PUM2: variants seen among roughly 807,000 people sequenced by gnomAD.
PUM2 encodes the protein pumilio homolog 2.
A neutral mutation model predicts 124.5 loss-of-function variants in PUM2; 57 were observed. The observed-to-expected ratio is 0.46, with a 90% CI of 0.37 to 0.57. PUM2 has a LOEUF of 0.57. Ranked by LOEUF, PUM2 falls within the 20% of genes least tolerant of loss-of-function variation. The pLI is 0.00. For synonymous variants in PUM2, 460 were observed against 446.1 expected, an observed-to-expected ratio of 1.03 and a Z score of -0.39; for missense variants, 1,065 against 1,290.6, an observed-to-expected ratio of 0.83 and a Z score of 2.68.
At chr2:20,257,043 C>CAAAAAAAAAAAAAAAAAAAAAAAAAA (rs58072146) in intron 16 of PUM2, among the ~76,000 whole-genome samples, 2 of 71,810 alleles carry the variant, frequency 2.8e-5, no homozygotes, top group Admixed American at 1.9e-4. Context: ...GATTCCGTCT[C>CAAAAAAAAAAAAAAAAAAAAAAAAAA]AAAAAAAAAA....
intron 3 of PUM2, 151 bp from the exon 4 acceptor site, chr2:20,312,574 C>G: frequency 1.4e-6 from 1 of 726,162 alleles, no homozygotes; most frequent in East Asian, 2.8e-5. Flanking sequence ...TCATAGGACA[C>G]AAACAAATGG....
At chr2:20,269,631 A>G (rs1668566320) in intron 13 of PUM2, among the ~76,000 whole-genome samples, 1 of 152,170 alleles carries the variant, frequency 6.6e-6, no homozygotes, top group Non-Finnish European at 1.5e-5. Context: ...CTGTTATAAA[A>G]ATACACACAT....
chr2:20,308,329 G>A lies in PUM2; in HGVS notation c.774C>T (p.Tyr258=). Residue 258 remains tyrosine, a synonymous_variant, in exon 6 of 21, where the codon TAC becomes TAT. Coordinates refer to ENST00000361078, the MANE Select transcript of PUM2 (RefSeq NM_015317.5). ...ATGCTTTTACCTGCTGCTGGGAATT[G>A]TAGTCAAAAAGGCCTACAGTAGCTC... The part of the protein sequence containing the change: ...SSGATVGLFD[Y]NSQQQLFQRT... 1 of 1,613,542 alleles carries A rather than the reference G, an allele frequency of 6.2e-7. No homozygotes were observed. Among genetic ancestry groups the A allele is most frequent in the Non-Finnish European group, 8.5e-7 (1 of 1,179,676 alleles).
chr2:20,271,815 G>T (rs1669073422), intron 13 of PUM2, among the ~76,000 whole-genome samples: 1 of 152,132 alleles, frequency 6.6e-6, no homozygotes, highest in Non-Finnish European at 1.5e-5. Context: ...ACAAAGATGT[G>T]AAACATAGGA....
chr2:20,318,221 A>T (rs917951746), intron 3 of PUM2, among the ~76,000 whole-genome samples: 1 of 152,140 alleles, frequency 6.6e-6, no homozygotes, highest in African/African-American at 2.4e-5. Context: ...TAGCCACAGA[A>T]TTTTACAATC....
At chr2:20,300,079 A>AGGTC (rs1421655804) in intron 7 of PUM2, among the ~76,000 whole-genome samples, 2 of 152,198 alleles carry the variant, frequency 1.3e-5, no homozygotes, top group African/African-American at 4.8e-5. Flanking sequence ...GTTGATGTTA[A>AGGTC]TGCTGGAGAG....
upstream of PUM2, among the ~76,000 whole-genome samples, chr2:20,351,109 T>G (rs1475879925): frequency 1.3e-5 from 2 of 152,184 alleles, no homozygotes; most frequent in African/African-American, 2.4e-5. Context: ...GCAGGCGTAC[T>G]GTTGCCAAAC....
At chr2:20,296,862 T>C (rs1675727785) in intron 8 of PUM2, among the ~76,000 whole-genome samples, 1 of 152,160 alleles carries the variant, frequency 6.6e-6, no homozygotes, top group Admixed American at 6.5e-5. Flanking sequence ...AACTTTTCCT[T>C]ACTTACACAG....
rs140907846 is a variant in PUM2 at position 20,316,641 on chromosome 2, C to T, written c.160+1896G>A. Among the ~76,000 whole-genome samples the T allele has an allele frequency of 1.3e-3, 199 of 152,280 alleles. 1 individual carries two copies. Among genetic ancestry groups the T allele is most frequent in the Middle Eastern group, 3.4e-3 (1 of 294 alleles). ...TACAACTATGGGCCGAACAAGGTGG[C>T]TCACGCCTGAGGCAGGAGGATCACT... is the stretch of plus-strand genomic sequence containing the variant. On this transcript the variant is annotated intron_variant, in intron 3 of 20. Coordinates refer to ENST00000361078, the MANE Select transcript of PUM2 (RefSeq NM_015317.5).
At chr2:20,314,708 CAGG>C (rs886493729) in intron 3 of PUM2, among the ~76,000 whole-genome samples, 12 of 152,194 alleles carry the variant, frequency 7.9e-5, no homozygotes, top group African/African-American at 2.4e-4. Flanking sequence ...TATGTGCATC[CAGG>C]AGATTAGTCA....
chr2:20,316,522 G>T, intron 3 of PUM2, among the ~76,000 whole-genome samples: 1 of 151,232 alleles, frequency 6.6e-6, no homozygotes. Context: ...GAAAATATTT[G>T]TAAAATATAT....
intron 14 of PUM2, 41 bp downstream of exon 14, chr2:20,263,152 T>G: frequency 6.5e-7 from 1 of 1,528,446 alleles, no homozygotes; most frequent in Non-Finnish European, 9.0e-7. Flanking sequence ...GGCAGCAATT[T>G]TCAAAGCAAA....
At chr2:20,336,848 G>C (rs191211159) in intron 1 of PUM2, among the ~76,000 whole-genome samples, 12 of 150,634 alleles carry the variant, frequency 8.0e-5, no homozygotes, top group African/African-American at 2.7e-4. Context: ...TCTGGAACTC[G>C]TGAGTTCAAG....
At chr2:20,338,509 A>T (rs969328363) in intron 1 of PUM2, among the ~76,000 whole-genome samples, 1 of 152,216 alleles carries the variant, frequency 6.6e-6, no homozygotes, top group Non-Finnish European at 1.5e-5. Flanking sequence ...CCTAAAGCTG[A>T]CCCCAAACAA....
chr2:20,251,538 A>T lies in PUM2; in HGVS notation c.*47T>A. ...GTTTTGATAATTCACACACAAAAAA[A>T]TTCTTTTCACATGGTTAAATTATCT... On this transcript the variant is annotated 3_prime_UTR_variant, in exon 21 of 21. Coordinates refer to ENST00000361078, the MANE Select transcript of PUM2 (RefSeq NM_015317.5). 6.4e-7 allele frequency: 1 copy of T among 1,557,170 alleles called. No homozygotes were observed. Among genetic ancestry groups the T allele is most frequent in the Admixed American group, 1.9e-5 (1 of 53,546 alleles).
At chr2:20,311,814 C>CA (rs1679672019) in intron 4 of PUM2, 151 bp from the exon 5 acceptor site, 1 of 866,534 alleles carries the variant, frequency 1.2e-6, no homozygotes, top group African/African-American at 1.8e-5. Context: ...TATCAAAGGC[C>CA]AAAAAATTGC....
chr2:20,294,461 T>G lies in PUM2; in HGVS notation c.1067A>C (p.Asn356Thr). Residue 356 changes from asparagine (N) to threonine (T), a missense_variant, in exon 9 of 21, where the codon AAC becomes ACC. Coordinates refer to ENST00000361078, the MANE Select transcript of PUM2 (RefSeq NM_015317.5). ...YGVPWGVYPANLFQQQAAAAA... is the reference protein window; with the variant it reads ...YGVPWGVYPATLFQQQAAAAA... ...AGCTGCAGCTTGCTGCTGAAATAAG[T>G]TGGCTGGATACACCCCCCATGGAAC... 2 of 1,614,164 alleles carry G rather than the reference T, an allele frequency of 1.2e-6. No individual in the cohort carries two copies. Among genetic ancestry groups the G allele is most frequent in the Admixed American group, 3.3e-5 (2 of 60,012 alleles).
At chr2:20,257,613 A>G (rs184488464) in intron 16 of PUM2, among the ~76,000 whole-genome samples, 4 of 152,186 alleles carry the variant, frequency 2.6e-5, no homozygotes, top group Admixed American at 6.5e-5. Flanking sequence ...AATCTGGTGG[A>G]TCAGCATTTA....
In PUM2 at chr2:20,254,974, C is replaced by G. The variant is rs1664413158; in HGVS notation, c.2759G>C (p.Gly920Ala). The change falls in exon 19 of 21, where the codon GGC becomes GCC. Residue 920 changes from glycine to alanine, a missense_variant. Physicochemically the swap from Gly to Ala is moderately conservative, Grantham distance 60. This residue lies in a region of PUM2 where 968 missense variants were observed against 1,159.8 expected (regional missense o/e 0.83). Transcript: ENST00000361078. ...CAGTACATGCTGAATAACATAATTG[C>G]CATACTGATCCTAAGACAGATATTT... ...HTEQLVQDQY[G>A]NYVIQHVLEH... The G allele has an allele frequency of 1.2e-6, 2 of 1,612,420 alleles. No individual in the cohort carries two copies. The highest frequency in any genetic ancestry group is 1.7e-6 in the Non-Finnish European group (2 of 1,179,098).
Sources: gnomAD v4.1 joint callset for allele counts (sites outside exome capture counted in the v4.1 genomes callset) on GRCh38, gnomAD v4.1.1 for gene constraint, gnomAD v4.1.1 regional missense constraint, MANE v1.5 for transcripts, NCBI Gene and HGNC (gene_info 2026-07-23, HGNC 2026-07-21) for gene names.